The following SPAG9 variants were observed in gnomAD, a reference collection of about 807,000 sequenced individuals.
SPAG9 encodes the protein C-Jun-amino-terminal kinase-interacting protein 4.
In SPAG9, 35 loss-of-function variants were observed where a neutral mutation model predicts 166.5. The observed-to-expected ratio is 0.21, with a 90% confidence interval of 0.16 to 0.28. The LOEUF is 0.28. Among genes scored for constraint, SPAG9 ranks in the 10% least tolerant of loss-of-function variants. SPAG9 has a pLI of 1.00. For synonymous variants in SPAG9, 534 were observed against 565.5 expected (o/e 0.94, Z 0.79); for missense variants, 1,235 against 1,603.3 (o/e 0.77, Z 3.92).
At chr17:51,061,138 G>A (rs986647919) in intron 2 of SPAG9, among the ~76,000 whole-genome samples, 1 of 120,106 alleles carries the variant, frequency 8.3e-6, no homozygotes, top group Non-Finnish European at 1.8e-5. Flanking sequence ...AAGCCACCGC[G>A]CCCCACCGAG....
At chr17:50,998,764 C>A in intron 14 of SPAG9, 147 bp from the exon 15 acceptor site, 1 of 648,798 alleles carries the variant, frequency 1.5e-6, no homozygotes, top group Non-Finnish European at 2.6e-6. Flanking sequence ...TGTAGTCATA[C>A]GCTGTAGCCT....
At chr17:51,035,216 G>A (rs2046540743) in intron 5 of SPAG9, among the ~76,000 whole-genome samples, 1 of 152,040 alleles carries the variant, frequency 6.6e-6, no homozygotes, top group South Asian at 2.1e-4. Context: ...GGATATTAGT[G>A]GAAAAACTGG....
At chr17:50,966,453 T>C (rs1597863994) in intron 29 of SPAG9, 66 bp from the exon 30 acceptor site, 1 of 1,013,670 alleles carries the variant, frequency 9.9e-7, no homozygotes, top group East Asian at 2.4e-5. Flanking sequence ...GTGAGTCAGA[T>C]GTAATGCTCG....
chr17:51,107,610 G>A (rs761429023), intron 1 of SPAG9, among the ~76,000 whole-genome samples: 5 of 151,750 alleles, frequency 3.3e-5, no homozygotes, highest in South Asian at 2.1e-4. Context: ...GGTGGCACGC[G>A]CCTATACTCT....
At chr17:51,073,277 G>A (rs1323173681) in intron 2 of SPAG9, among the ~76,000 whole-genome samples, 13 of 152,002 alleles carry the variant, frequency 8.6e-5, no homozygotes, top group East Asian at 3.9e-4. Flanking sequence ...GCAGTGAGCC[G>A]AGATCACGCC....
chr17:50,962,493 C>T lies in SPAG9; in HGVS notation c.*3779G>A, dbSNP rs945757732. The stretch of plus-strand genomic sequence containing the variant: ...TTAATCTTTTAAGAGAAAAGACAGA[C>T]ATTTAGTGTTACAGAATAGCATAAC... On this transcript the variant is annotated 3_prime_UTR_variant, in exon 30 of 30. Transcript: ENST00000262013. 4 of 152,154 alleles carry T rather than the reference C, an allele frequency of 2.6e-5. No individual in the cohort carries two copies. Among genetic ancestry groups the T allele is most frequent in the African/African-American group, 9.6e-5 (4 of 41,454 alleles). 9.4% of individuals were successfully genotyped at this position (152,154 alleles called of 1,614,324 possible). A position where few individuals can be genotyped will look rare whatever the true frequency, so the allele number is the denominator to read the frequency against.
intron 1 of SPAG9, among the ~76,000 whole-genome samples, chr17:51,107,110 A>G (rs533692605): frequency 1.2e-4 from 18 of 152,124 alleles, no homozygotes; most frequent in African/African-American, 3.6e-4. Flanking sequence ...CAAAAAAAAA[A>G]AAAAAAGAAA....
At chr17:51,118,290 G>T (rs188833566) in intron 1 of SPAG9, among the ~76,000 whole-genome samples, 2 of 152,232 alleles carry the variant, frequency 1.3e-5, no homozygotes, top group Admixed American at 1.3e-4. Context: ...AGATGTAACT[G>T]AAAAAATATA....
At chr17:51,099,433 CAAAAA>C (rs34069450) in intron 1 of SPAG9, among the ~76,000 whole-genome samples, 1 of 75,526 alleles carries the variant, frequency 1.3e-5, no homozygotes, top group African/African-American at 5.9e-5. Context: ...AACTCTGTCT[CAAAAA>C]AAAAAAAAAA....
intron 1 of SPAG9, among the ~76,000 whole-genome samples, chr17:51,089,167 T>TA (rs1183240102): frequency 6.6e-6 from 1 of 151,374 alleles, no homozygotes; most frequent in Non-Finnish European, 1.5e-5. Flanking sequence ...CTCATGCCTG[T>TA]AATCCTAGCA....
intron 7 of SPAG9, 84 bp downstream of exon 7, chr17:51,021,074 C>T: frequency 8.6e-7 from 1 of 1,160,872 alleles, no homozygotes; most frequent in Non-Finnish European, 1.3e-6. Flanking sequence ...GCAGGCAACA[C>T]CCACAAAGAC....
chr17:51,118,659 G>A (rs980357837), intron 1 of SPAG9, among the ~76,000 whole-genome samples: 4 of 152,222 alleles, frequency 2.6e-5, no homozygotes, highest in Non-Finnish European at 5.9e-5. Flanking sequence ...TCTATAAAGA[G>A]TGCTAACAAA....
Position 51,075,521 on chromosome 17 carries a change from T to C in SPAG9, c.424+4063A>G, listed in dbSNP as rs923962257. ...AAGGATGTTAGACAAGGAATTCTTT[T>C]CCAAGTCAAAAAAGGAATTCTGGTC... On this transcript the variant is annotated intron_variant, in intron 2 of 29. Transcript: ENST00000262013. Among the ~76,000 whole-genome samples, 20 of 152,158 alleles carry C rather than the reference T, an allele frequency of 1.3e-4. 1 individual carries two copies. The highest frequency in any genetic ancestry group is 4.1e-4 in the South Asian group (2 of 4,832).
chr17:50,999,758 G>A (rs2044848242), intron 13 of SPAG9, 41 bp from the exon 14 acceptor site: 2 of 1,545,248 alleles, frequency 1.3e-6, no homozygotes, highest in Non-Finnish European at 1.8e-6. Context: ...TTATCAGTGA[G>A]GTATTCTACC....
intron 11 of SPAG9, among the ~76,000 whole-genome samples, chr17:51,005,593 G>A (rs1399853198): frequency 6.6e-6 from 1 of 152,278 alleles, no homozygotes; most frequent in East Asian, 1.9e-4. Context: ...GCTCACGCCT[G>A]TAATCCCGGC....
intron 29 of SPAG9, among the ~76,000 whole-genome samples, chr17:50,968,271 T>A (rs998849691): frequency 6.6e-6 from 1 of 152,230 alleles, no homozygotes; most frequent in African/African-American, 2.4e-5. Context: ...TGTCACATTG[T>A]CATTTAAATG....
At chr17:50,969,001 C>T (rs943059710) in intron 29 of SPAG9, among the ~76,000 whole-genome samples, 4 of 150,496 alleles carry the variant, frequency 2.7e-5, no homozygotes, top group African/African-American at 9.8e-5. Context: ...GGTGTGATCT[C>T]GGCTCACTGC....
chr17:51,027,351 G>T (rs1328356597), intron 6 of SPAG9, among the ~76,000 whole-genome samples: 1 of 151,400 alleles, frequency 6.6e-6, no homozygotes, highest in South Asian at 2.1e-4. Flanking sequence ...AGAATCACTT[G>T]AATCCAGAAG....
Position 51,037,687 on chromosome 17 carries a change from T to TATATATATATA in SPAG9, c.741+3813_741+3814insTATATATATAT, listed in dbSNP as rs1568028331. Among the ~76,000 whole-genome samples the TATATATATATA allele has an allele frequency of 1.6e-3, 122 of 74,154 alleles. 2 individuals are homozygous for TATATATATATA. Among genetic ancestry groups the TATATATATATA allele is most frequent in the African/African-American group, 5.8e-3 (119 of 20,586 alleles). The allele number at this position is 74,154 out of a possible 152,430, so 48.6% of individuals were successfully genotyped here. A position where few individuals can be genotyped will look rare whatever the true frequency, so the allele number is the denominator to read the frequency against. ...GTTTTATATATATATATATATATAG[T>TATATATATATA]GTGTGTGTGTGTGTGTGTGTGTGTG... On this transcript the variant is annotated intron_variant, in intron 5 of 29. Coordinates refer to ENST00000262013, the MANE Select transcript of SPAG9 (RefSeq NM_001130528.3).
Sources: allele counts gnomAD v4.1 joint callset (sites outside exome capture counted in the v4.1 genomes callset), GRCh38; gene constraint gnomAD v4.1.1; transcripts MANE v1.5; gene names NCBI Gene and HGNC (gene_info 2026-07-23, HGNC 2026-07-21).